KCNJ6: variants seen among roughly 807,000 people sequenced by gnomAD.
KCNJ6 encodes G protein-activated inward rectifier potassium channel 2.
In KCNJ6, 9 loss-of-function variants were observed where a neutral mutation model predicts 34.2. The ratio of observed to expected loss-of-function variants is 0.26; its 90% CI spans 0.16 to 0.46. The LOEUF (loss-of-function observed/expected upper bound fraction) is 0.46. KCNJ6 is among the 20% of genes least tolerant of loss of function. The pLI, the probability that KCNJ6 is intolerant of heterozygous loss-of-function variation, is 1.00. For missense variants in KCNJ6, 236 were observed against 531.3 expected, an observed-to-expected ratio of 0.44 and a Z score of 5.46; for synonymous variants, 196 against 207.1, an observed-to-expected ratio of 0.95 and a Z score of 0.46.
chr21:37,626,213 C>T (rs1398922235), intron 3 of KCNJ6, among the ~76,000 whole-genome samples: 1 of 151,810 alleles, frequency 6.6e-6, no homozygotes, highest in Admixed American at 6.6e-5. Context: ...TCACTGCGAC[C>T]TCCACCTTCA....
At chr21:37,667,536 TCCGGGGTAGCGGGCG>T (rs2054521295) in intron 3 of KCNJ6, among the ~76,000 whole-genome samples, 3 of 148,402 alleles carry the variant, frequency 2.0e-5, no homozygotes, top group African/African-American at 7.5e-5. Flanking sequence ...GGTAGCGGGG[TCCGGGGTAGCGGGCG>T]CCGGGGTAGC....
intron 1 of KCNJ6, among the ~76,000 whole-genome samples, chr21:37,905,049 G>A (rs762739462): frequency 2.0e-5 from 3 of 152,300 alleles, no homozygotes; most frequent in East Asian, 1.9e-4. Flanking sequence ...CTGCAGCCAC[G>A]TGCGCTCCCT....
At chr21:37,776,158 T>C (rs972854540) in intron 2 of KCNJ6, among the ~76,000 whole-genome samples, 6 of 152,206 alleles carry the variant, frequency 3.9e-5, no homozygotes, top group East Asian at 1.9e-4. Context: ...TGTCTGTTAT[T>C]GGTGTATAAG....
intron 2 of KCNJ6, among the ~76,000 whole-genome samples, chr21:37,752,609 C>T (rs1289061903): frequency 1.3e-5 from 2 of 152,082 alleles, no homozygotes; most frequent in Non-Finnish European, 2.9e-5. Flanking sequence ...GACACGCTGC[C>T]ACAGGGTCAC....
intron 2 of KCNJ6, among the ~76,000 whole-genome samples, chr21:37,835,385 G>A (rs893093154): frequency 6.6e-6 from 1 of 152,154 alleles, no homozygotes; most frequent in Non-Finnish European, 1.5e-5. Context: ...CACAAGACCA[G>A]ATATCTGATT....
intron 2 of KCNJ6, among the ~76,000 whole-genome samples, chr21:37,801,244 G>A (rs989026065): frequency 1.3e-5 from 2 of 152,092 alleles, no homozygotes; most frequent in Non-Finnish European, 2.9e-5. Context: ...TTCATTTATT[G>A]TCTGGGTTTT....
chr21:37,781,787 C>A (rs111813348), intron 2 of KCNJ6, among the ~76,000 whole-genome samples: 157 of 152,262 alleles, frequency 1.0e-3, no homozygotes, highest in Admixed American at 3.7e-3. Flanking sequence ...AACCTCTGAT[C>A]ATTCCCTGGT....
At chr21:37,763,789 T>C (rs143898007) in intron 2 of KCNJ6, among the ~76,000 whole-genome samples, 3,356 of 152,230 alleles carry the variant, frequency 0.022, 128 homozygotes, top group African/African-American at 0.077. Context: ...GTCCTTGCGA[T>C]AGTTTGCTCA....
chr21:37,824,279 C>T (rs899752693), intron 2 of KCNJ6, among the ~76,000 whole-genome samples: 1 of 152,108 alleles, frequency 6.6e-6, no homozygotes, highest in Non-Finnish European at 1.5e-5. Context: ...TATTTAACAC[C>T]TTCATAATTT....
At chr21:37,777,790 G>A (rs1392118350) in intron 2 of KCNJ6, among the ~76,000 whole-genome samples, 1 of 152,178 alleles carries the variant, frequency 6.6e-6, no homozygotes, top group Non-Finnish European at 1.5e-5. Flanking sequence ...ACCTGGCTCT[G>A]TCACCAGTGT....
chr21:37,761,538 C>T (rs111166317), intron 2 of KCNJ6, among the ~76,000 whole-genome samples: 1,415 of 91,520 alleles, frequency 0.015, 5 homozygotes, highest in African/African-American at 0.058. Flanking sequence ...TGGTGTGTGT[C>T]GTGTGTGTGG....
rs1402846542 is a variant in KCNJ6 at position 37,714,442 on chromosome 21, C to T, written c.715G>A (p.Ala239Thr). Residue 239 changes from alanine to threonine, a missense_variant, in exon 3 of 4, where the codon GCC becomes ACC. Transcript: ENST00000609713. This position sits in a 1 kb window ranked among gnomAD's most constrained non-coding sequence, Gnocchi z 5.9. ...GTCTGTTTGGATTTGATCAACTTGG[C>T]TCTGATGGAAGCCTCCACAATGTGG... ...NSHIVEASIRAKLIKSKQTSE... is the reference protein window; with the variant it reads ...NSHIVEASIRTKLIKSKQTSE... 6.2e-7 allele frequency: 1 copy of T among 1,614,038 alleles called. No individual in the cohort carries two copies. The highest frequency in any genetic ancestry group is 8.5e-7 in the Non-Finnish European group (1 of 1,180,024).
At chr21:37,635,876 C>A (rs561416827) in intron 3 of KCNJ6, among the ~76,000 whole-genome samples, 8 of 152,318 alleles carry the variant, frequency 5.3e-5, no homozygotes, top group Admixed American at 2.6e-4. Flanking sequence ...TTATTTTGTA[C>A]TTATCAAGTA....
chr21:37,851,731 G>A (rs546551034), intron 1 of KCNJ6, among the ~76,000 whole-genome samples: 33 of 151,444 alleles, frequency 2.2e-4, no homozygotes, highest in African/African-American at 8.0e-4. Context: ...TGGCAAAGAT[G>A]ATGCAGATTG....
intron 3 of KCNJ6, among the ~76,000 whole-genome samples, chr21:37,658,954 A>G (rs1171872557): frequency 2.0e-5 from 3 of 152,214 alleles, no homozygotes; most frequent in South Asian, 4.1e-4. Flanking sequence ...TCTTTCTCCA[A>G]ATGATTAATT....
intron 3 of KCNJ6, among the ~76,000 whole-genome samples, chr21:37,686,616 C>T (rs1385048021): frequency 2.0e-5 from 3 of 151,812 alleles, no homozygotes. Flanking sequence ...TACAGGCACC[C>T]ACCATCATGC....
At chr21:37,795,855 G>A (rs2055239289) in intron 2 of KCNJ6, among the ~76,000 whole-genome samples, 1 of 152,098 alleles carries the variant, frequency 6.6e-6, no homozygotes, top group East Asian at 1.9e-4. Context: ...TTTTGAGGTG[G>A]TATTATTTTT....
At position 37,885,499 on chromosome 21, in the gene KCNJ6, G is replaced by A. The variant is rs149373682; in HGVS notation, c.-28+30385C>T. ...CTTTAAGAGAGGGAGATGATCCTGT[G>A]GGGGCAGACCTGAGCACTTCAAAGT... On this transcript the variant is annotated intron_variant, in intron 1 of 3. Coordinates refer to ENST00000609713, the MANE Select transcript of KCNJ6 (RefSeq NM_002240.5). Among the ~76,000 whole-genome samples the A allele has an allele frequency of 2.1e-3, 316 of 152,330 alleles. 4 individuals are homozygous for A. Among genetic ancestry groups the A allele is most frequent in the Admixed American group, 0.016 (238 of 15,294 alleles).
chr21:37,811,185 C>A (rs1601483121), intron 2 of KCNJ6, among the ~76,000 whole-genome samples: 1 of 152,138 alleles, frequency 6.6e-6, no homozygotes, highest in Non-Finnish European at 1.5e-5. Context: ...GGCTGGTGCA[C>A]CCCAACTCCA....
Sources: allele counts gnomAD v4.1 joint callset (sites outside exome capture counted in the v4.1 genomes callset), GRCh38; gene constraint gnomAD v4.1.1; non-coding constraint Gnocchi (gnomAD v3.1); transcripts MANE v1.5; gene names NCBI Gene and HGNC (gene_info 2026-07-23, HGNC 2026-07-21).